Variants in SAMMSON observed in about 807,000 individuals in gnomAD.
The protein encoded by SAMMSON is long intergenic non-protein coding RNA 1212.
chr3:70,177,442 G>A (rs1435564937), intron 4 of SAMMSON, among the ~76,000 whole-genome samples: 1 of 152,190 alleles, frequency 6.6e-6, no homozygotes, highest in Non-Finnish European at 1.5e-5. Context: ...TCAAATGAAA[G>A]GAGAGAGATA....
chr3:70,160,692 T>C (rs770094617), intron 4 of SAMMSON, among the ~76,000 whole-genome samples: 3 of 152,064 alleles, frequency 2.0e-5, no homozygotes, highest in African/African-American at 4.8e-5. Flanking sequence ...TCCATATAGA[T>C]TTAATGATCA....
intron 7 of SAMMSON, among the ~76,000 whole-genome samples, chr3:70,308,865 G>A (rs141063796): frequency 9.9e-5 from 15 of 152,196 alleles, no homozygotes; most frequent in African/African-American, 3.4e-4. Context: ...AGTGCACTCA[G>A]TGCTTTGTGT....
Position 70,387,589 on chromosome 3 carries a change from A to G in SAMMSON, n.914-1985A>G, listed in dbSNP as rs1468556308. Reference sequence around the variant, plus strand: ...TATTTTTGGAATCGTTTTCATTTTCAGCTATTATGATTATACCATACTTGG... The same window carrying G: ...TATTTTTGGAATCGTTTTCATTTTCGGCTATTATGATTATACCATACTTGG... On this transcript the variant is annotated intron_variant and non_coding_transcript_variant, in intron 9 of 9. Transcript: ENST00000642114. Among the ~76,000 whole-genome samples, 4 of 152,170 alleles carry G rather than the reference A, an allele frequency of 2.6e-5. No individual in the cohort carries two copies. In the East Asian group the frequency reaches 7.7e-4, roughly 29 times the overall value.
intron 3 of SAMMSON, chr3:70,068,818 T>A (rs2107594023): frequency 6.6e-6 from 1 of 152,206 alleles, no homozygotes; most frequent in Middle Eastern, 3.4e-3. Context: ...AATATCCCAG[T>A]CTTCTAAATG....
chr3:70,274,372 A>T (rs967825532), intron 6 of SAMMSON, among the ~76,000 whole-genome samples: 1 of 152,182 alleles, frequency 6.6e-6, no homozygotes, highest in East Asian at 1.9e-4. Flanking sequence ...TTCTCTTGAA[A>T]TATAGAATGA....
intron 7 of SAMMSON, among the ~76,000 whole-genome samples, chr3:70,324,737 G>A (rs1348169891): frequency 6.6e-6 from 1 of 152,080 alleles, no homozygotes; most frequent in Non-Finnish European, 1.5e-5. Context: ...ATTCATTCCA[G>A]TACTTTTCAG....
rs11456109 is a variant in SAMMSON, at chr3:70,115,210, CA to C, written n.507+43661del. ...AGCTATTATTATTATCTCTATTTTC[CA>C]AAAAAAAAAAAAAAAGAAAGAAAGA... On this transcript the variant is annotated intron_variant and non_coding_transcript_variant, in intron 4 of 9. Transcript: ENST00000642114. 1.5e-3 allele frequency among the ~76,000 whole-genome samples: 178 copies of C among 117,482 alleles called. 1 individual carries two copies. The highest frequency in any genetic ancestry group is 2.6e-3 in the South Asian group (10 of 3,830). 77.1% of individuals were successfully genotyped at this position (117,482 alleles called of 152,430 possible).
intron 4 of SAMMSON, among the ~76,000 whole-genome samples, chr3:70,108,663 A>G (rs1293260656): frequency 1.3e-5 from 2 of 151,330 alleles, no homozygotes; most frequent in Non-Finnish European, 2.9e-5. Flanking sequence ...TTATGATGAG[A>G]TTAGTGCTTT....
At chr3:70,119,006 G>C (rs2067422399) in intron 4 of SAMMSON, among the ~76,000 whole-genome samples, 1 of 152,070 alleles carries the variant, frequency 6.6e-6, no homozygotes, top group Admixed American at 6.6e-5. Flanking sequence ...CTCTTTCCTA[G>C]ATTTCTTTTC....
At chr3:70,168,467 A>G (rs983323943) in intron 4 of SAMMSON, among the ~76,000 whole-genome samples, 12 of 152,034 alleles carry the variant, frequency 7.9e-5, no homozygotes, top group Non-Finnish European at 1.5e-4. Flanking sequence ...GTAAATTTTC[A>G]TTGAAAGTAT....
intron 3 of SAMMSON, among the ~76,000 whole-genome samples, chr3:70,058,414 C>T (rs1261293540): frequency 6.6e-6 from 1 of 151,916 alleles, no homozygotes; most frequent in Non-Finnish European, 1.5e-5. Context: ...ACAGAATCAC[C>T]AGATCTAACA....
chr3:70,008,842 G>T (rs1422656654), intron 1 of SAMMSON, among the ~76,000 whole-genome samples: 1 of 152,124 alleles, frequency 6.6e-6, no homozygotes, highest in Admixed American at 6.6e-5. Flanking sequence ...ATAGTTTTTA[G>T]CATGAAGCGT....
At chr3:70,323,889 T>G (rs1321401891) in intron 7 of SAMMSON, among the ~76,000 whole-genome samples, 1 of 152,112 alleles carries the variant, frequency 6.6e-6, no homozygotes, top group Non-Finnish European at 1.5e-5. Flanking sequence ...CAGCTTCTCC[T>G]GCAGGATGCC....
chr3:70,181,783 C>A (rs760879044), intron 4 of SAMMSON, among the ~76,000 whole-genome samples: 1 of 152,166 alleles, frequency 6.6e-6, no homozygotes, highest in Non-Finnish European at 1.5e-5. Flanking sequence ...CACTTTCATG[C>A]GAAAACATTT....
intron 4 of SAMMSON, among the ~76,000 whole-genome samples, chr3:70,103,222 A>G (rs1038228138): frequency 1.3e-5 from 2 of 152,170 alleles, no homozygotes; most frequent in African/African-American, 4.8e-5. Flanking sequence ...TTTTTGTATG[A>G]AATCTCTTGA....
At chr3:70,367,907 T>C (rs1702934132) in intron 9 of SAMMSON, among the ~76,000 whole-genome samples, 1 of 151,502 alleles carries the variant, frequency 6.6e-6, no homozygotes, top group South Asian at 2.1e-4. Context: ...TGTTTTTGTT[T>C]TTGTTTTTCT....
intron 7 of SAMMSON, among the ~76,000 whole-genome samples, chr3:70,329,810 C>G (rs1330316652): frequency 6.6e-6 from 1 of 151,722 alleles, no homozygotes; most frequent in African/African-American, 2.4e-5. Context: ...TGATGTTTCT[C>G]AAAACTTTAT....
chr3:70,400,861 G>A (rs986355890), intron 2 of SAMMSON, among the ~76,000 whole-genome samples: 1 of 151,242 alleles, frequency 6.6e-6, no homozygotes, highest in Non-Finnish European at 1.5e-5. Context: ...GAACCTGGGA[G>A]GTAGAGGTTG....
intron 6 of SAMMSON, among the ~76,000 whole-genome samples, chr3:70,290,592 T>C (rs1702226138): frequency 6.6e-6 from 1 of 152,190 alleles, no homozygotes; most frequent in African/African-American, 2.4e-5. Context: ...CTCCACCCAG[T>C]TCGAGTTTCC....
Sources: allele counts gnomAD v4.1 joint callset (sites outside exome capture counted in the v4.1 genomes callset), GRCh38; gene constraint gnomAD v4.1.1; transcripts MANE v1.5; gene names NCBI Gene and HGNC (gene_info 2026-07-23, HGNC 2026-07-21).